TNFSF11: variants seen among roughly 807,000 people sequenced by gnomAD.
TNFSF11 encodes the protein TNF superfamily member 11, also known as tumor necrosis factor ligand superfamily member 11.
Under a neutral mutation model 32.2 loss-of-function variants are expected in TNFSF11, and 12 were observed. That is an observed-to-expected ratio of 0.37 (90% confidence interval 0.24 to 0.60). The LOEUF (loss-of-function observed/expected upper bound fraction) is 0.60. Among genes scored for constraint, TNFSF11 ranks in the 20% least tolerant of loss-of-function variants. The pLI is 0.66. For synonymous variants in TNFSF11, 172 were observed against 152.1 expected (o/e 1.13, Z -0.96); for missense variants, 345 against 398.0 (o/e 0.87, Z 1.13).
At chr13:42,593,362 C>T (rs1207285854) in intron 2 of TNFSF11, among the ~76,000 whole-genome samples, 8 of 152,166 alleles carry the variant, frequency 5.3e-5, no homozygotes, top group African/African-American at 1.9e-4. Flanking sequence ...AAGCAGCCCC[C>T]AGAGGATTTT....
chr13:42,588,319 G>A (rs2137881603), intron 2 of TNFSF11, among the ~76,000 whole-genome samples: 1 of 152,314 alleles, frequency 6.6e-6, no homozygotes, highest in African/African-American at 2.4e-5. Flanking sequence ...AAGCAGGAGG[G>A]TTTGCAAGAG....
At position 42,574,757 on chromosome 13, in the gene TNFSF11, G is replaced by A. The variant is rs544061135; in HGVS notation, c.219+235G>A. On this transcript the variant is annotated intron_variant, in intron 1 of 4. Coordinates refer to ENST00000398795, the MANE Select transcript of TNFSF11 (RefSeq NM_003701.4). ...GCACCCCAGCTTCTCGGTGCTCTGG[G>A]GGCGGACTCCCCTGGCCGGACGATG... Among the ~76,000 whole-genome samples, 12 of 152,308 alleles carry A rather than the reference G, an allele frequency of 7.9e-5. No individual in the cohort carries two copies. The South Asian group carries it at 1.2e-3, about 16-fold the overall frequency.
chr13:42,602,420 A>G (rs1192618950), intron 4 of TNFSF11, among the ~76,000 whole-genome samples: 1 of 147,830 alleles, frequency 6.8e-6, no homozygotes, highest in East Asian at 1.9e-4. Flanking sequence ...TCGGAGTTAA[A>G]GAAAGAAAGT....
At position 42,587,651 on chromosome 13, in the gene TNFSF11, T is replaced by C. The variant is rs564405476; in HGVS notation, c.387+6358T>C. On this transcript the variant is annotated intron_variant, in intron 2 of 4. Transcript: ENST00000398795. ...GTCTGTTTAGAGATTGCATCTGTGA[T>C]TGTGGAATAAACCTTGATTGTCACC... 1.6e-4 allele frequency among the ~76,000 whole-genome samples: 24 copies of C among 152,354 alleles called. 1 individual carries two copies. In the South Asian group the frequency reaches 4.6e-3, roughly 29 times the overall value.
At chr13:42,588,220 A>T (rs763410229) in intron 2 of TNFSF11, among the ~76,000 whole-genome samples, 1 of 152,258 alleles carries the variant, frequency 6.6e-6, no homozygotes, top group Non-Finnish European at 1.5e-5. Flanking sequence ...GAGTTTTCCT[A>T]CAAAACCAAG....
At chr13:42,600,100 G>A (rs994963103) in intron 2 of TNFSF11, among the ~76,000 whole-genome samples, 1 of 152,052 alleles carries the variant, frequency 6.6e-6, no homozygotes, top group Non-Finnish European at 1.5e-5. Context: ...TTTATTCTCA[G>A]GGTTCAAATT....
At chr13:42,604,113 G>C (rs184929704) in intron 4 of TNFSF11, among the ~76,000 whole-genome samples, 1 of 152,310 alleles carries the variant, frequency 6.6e-6, no homozygotes, top group Non-Finnish European at 1.5e-5. Context: ...ATCCCATTGA[G>C]AGGGTAGACT....
At chr13:42,573,508 C>G (rs1035896365), upstream of TNFSF11, among the ~76,000 whole-genome samples, 1 of 152,200 alleles carries the variant, frequency 6.6e-6, no homozygotes, top group Non-Finnish European at 1.5e-5. Context: ...CTTCTGGCTA[C>G]ACGCCCCTTT....
At position 42,606,603 on chromosome 13, in the gene TNFSF11, T is replaced by C. The variant is rs1869466260; in HGVS notation, c.639T>C (p.Phe213=). The C allele has an allele frequency of 6.2e-7, 1 of 1,614,194 alleles. No individual in the cohort carries two copies. The highest frequency in any genetic ancestry group is 8.5e-7 in the Non-Finnish European group (1 of 1,180,040). The change falls in exon 5 of 5, where the codon TTT becomes TTC. Residue 213 remains phenylalanine (F), a synonymous_variant. Coordinates refer to ENST00000398795, the MANE Select transcript of TNFSF11 (RefSeq NM_003701.4). ...NGKLIVNQDG[F]YYLYANICFR... ...AACTAATAGTTAATCAGGATGGCTT[T>C]TATTACCTGTATGCCAACATTTGCT... is the stretch of plus-strand genomic sequence containing the variant.
In TNFSF11 at chr13:42,599,345, C is replaced by CTAT. The variant is rs1566387280; in HGVS notation, c.388-1406_388-1404dup. The stretch of plus-strand genomic sequence containing the variant: ...TCTATCTATCTATCTATCTATCTAT[C>CTAT]TATCATCTATCTATCTATCTATCTA... On this transcript the variant is annotated intron_variant, in intron 2 of 4. Transcript: ENST00000398795. Among the ~76,000 whole-genome samples the CTAT allele has an allele frequency of 1.6e-3, 157 of 99,066 alleles. 1 individual carries two copies. The highest frequency in any genetic ancestry group is 5.0e-3 in the African/African-American group (149 of 29,762). 65.0% of individuals were successfully genotyped at this position (99,066 alleles called of 152,430 possible).
At position 42,593,937 on chromosome 13, in the gene TNFSF11, C is replaced by T. The variant is rs79477325; in HGVS notation, c.388-6815C>T. On this transcript the variant is annotated intron_variant, in intron 2 of 4. Coordinates refer to ENST00000398795, the MANE Select transcript of TNFSF11 (RefSeq NM_003701.4). The stretch of plus-strand genomic sequence containing the variant: ...TCTGTGCTCTGATTGACAGGTACCA[C>T]ATGGATCACACAATTCACATCACAA... Among the ~76,000 whole-genome samples, 1,430 of 152,288 alleles carry T rather than the reference C, an allele frequency of 9.4e-3. 13 individuals are homozygous for T. Among genetic ancestry groups the T allele is most frequent in the African/African-American group, 0.025 (1,045 of 41,560 alleles).
At chr13:42,576,553 A>C (rs1873326247) in intron 1 of TNFSF11, among the ~76,000 whole-genome samples, 1 of 152,246 alleles carries the variant, frequency 6.6e-6, no homozygotes, top group Non-Finnish European at 1.5e-5. Flanking sequence ...CTTAAATACC[A>C]TGAAAATTCG....
intron 1 of TNFSF11, among the ~76,000 whole-genome samples, chr13:42,579,710 T>C (rs1295230051): frequency 2.1e-5 from 3 of 145,840 alleles, no homozygotes; most frequent in Non-Finnish European, 4.5e-5. Context: ...AGCCCTTTTT[T>C]TTTTTTTTTT....
Position 42,574,326 on chromosome 13 carries a change from A to T in TNFSF11, c.23A>T (p.Tyr8Phe). 19 of 1,546,792 alleles carry T rather than the reference A, an allele frequency of 1.2e-5. No individual in the cohort carries two copies. The highest frequency in any genetic ancestry group is 1.7e-5 in the Non-Finnish European group (19 of 1,146,306). MRRASRDYTKYLRGSEEM... is the reference protein window; with the variant it reads MRRASRDFTKYLRGSEEM... Reference sequence around the variant, plus strand: ...GCCATGCGCCGCGCCAGCAGAGACTACACCAAGTACCTGCGTGGCTCGGAG... The same window carrying T: ...GCCATGCGCCGCGCCAGCAGAGACTTCACCAAGTACCTGCGTGGCTCGGAG... Residue 8 changes from tyrosine to phenylalanine, a missense_variant, in exon 1 of 5, where the codon TAC becomes TTC. By Grantham distance (22) the Tyr-to-Phe change is conservative. This residue lies in a region of TNFSF11 where 197 missense variants were observed against 182.0 expected (regional missense o/e 1.08). Coordinates refer to ENST00000398795, the MANE Select transcript of TNFSF11 (RefSeq NM_003701.4).
chr13:42,569,134 A>G (rs1257544235), intron 2 of TNFSF11, among the ~76,000 whole-genome samples: 1 of 152,114 alleles, frequency 6.6e-6, no homozygotes, highest in Non-Finnish European at 1.5e-5. Context: ...CTCCGTGACT[A>G]TGTTACCTCA....
At chr13:42,563,644 C>T (rs999403230) in intron 1 of TNFSF11, among the ~76,000 whole-genome samples, 2 of 130,246 alleles carry the variant, frequency 1.5e-5, no homozygotes, top group Admixed American at 8.3e-5. Flanking sequence ...GCCTGGGCAA[C>T]AGAGCAAAAA....
intron 4 of TNFSF11, among the ~76,000 whole-genome samples, chr13:42,602,620 G>C (rs1308461166): frequency 6.6e-6 from 1 of 152,170 alleles, no homozygotes; most frequent in Non-Finnish European, 1.5e-5. Flanking sequence ...ATGTCTTGTG[G>C]TGGAGCTACA....
chr13:42,574,003 A>G (rs1236242365), upstream of TNFSF11: 4 of 461,804 alleles, frequency 8.7e-6, no homozygotes, highest in South Asian at 9.7e-5. Flanking sequence ...GAGGCCCTTC[A>G]GTGACAGAGA....
At position 42,574,222 on chromosome 13, in the gene TNFSF11, GC is replaced by G; in HGVS notation, c.-81del. 6.6e-7 allele frequency: 1 copy of G among 1,515,670 alleles called. No homozygotes were observed. 93.9% of individuals were successfully genotyped at this position (1,515,670 alleles called of 1,614,324 possible). A position where few individuals can be genotyped will look rare whatever the true frequency, so the allele number is the denominator to read the frequency against. On this transcript the variant is annotated 5_prime_UTR_variant, in exon 1 of 5. Transcript: ENST00000398795. Reference sequence around the variant, plus strand: ...CGGCGCCCCACGTCGAGGCTCCGCCGCAGCCTCCGGAGTTGGCCGCAGACAA... The same window carrying G: ...CGGCGCCCCACGTCGAGGCTCCGCCGAGCCTCCGGAGTTGGCCGCAGACAA...
Sources: gnomAD v4.1 joint callset for allele counts (sites outside exome capture counted in the v4.1 genomes callset) on GRCh38, gnomAD v4.1.1 for gene constraint, gnomAD v4.1.1 regional missense constraint, MANE v1.5 for transcripts, NCBI Gene and HGNC (gene_info 2026-07-23, HGNC 2026-07-21) for gene names.